PRELID2: variants seen among roughly 807,000 people sequenced by gnomAD.
The protein encoded by PRELID2 is PRELI domain containing 2, also known as PRELI domain-containing protein 2.
Under a neutral mutation model 28.4 loss-of-function variants are expected in PRELID2, and 25 were observed. The ratio of observed to expected loss-of-function variants is 0.88; its 90% confidence interval spans 0.64 to 1.23. The LOEUF is 1.23. Ranked by LOEUF, PRELID2 falls within the 50% of genes most tolerant of loss-of-function variation. The pLI, the probability that PRELID2 is intolerant of heterozygous loss-of-function variation, is 0.00. For missense variants in PRELID2, 201 were observed against 214.4 expected, an observed-to-expected ratio of 0.94 and a Z score of 0.39; for synonymous variants, 76 against 71.6, an observed-to-expected ratio of 1.06 and a Z score of -0.31.
chr5:145,697,423 A>G (rs1327881689), intron 1 of PRELID2, among the ~76,000 whole-genome samples: 4 of 152,046 alleles, frequency 2.6e-5, no homozygotes, highest in Non-Finnish European at 2.9e-5. Flanking sequence ...TCCAAAGCCT[A>G]TGTGTACCAG....
the PRELID2 span, among the ~76,000 whole-genome samples, chr5:145,254,078 T>A: frequency 6.6e-6 from 1 of 152,114 alleles, no homozygotes; most frequent in Non-Finnish European, 1.5e-5. Flanking sequence ...AACTTGTGCA[T>A]GAGGTGAATT....
chr5:145,753,856 C>A (rs1757188848), downstream of PRELID2, among the ~76,000 whole-genome samples: 1 of 152,254 alleles, frequency 6.6e-6, no homozygotes, highest in South Asian at 2.1e-4. Context: ...GTAAGTTAAG[C>A]TTCTTTCAGT....
At chr5:145,737,369 T>A (rs1756525210) in intron 1 of PRELID2, among the ~76,000 whole-genome samples, 2 of 151,926 alleles carry the variant, frequency 1.3e-5, no homozygotes, top group African/African-American at 4.8e-5. Context: ...CACGCAAAGA[T>A]TTCAACTTAC....
At chr5:145,229,218 GC>G in the PRELID2 span, 4 of 804,960 alleles carry the variant, frequency 5.0e-6, no homozygotes, top group Non-Finnish European at 6.7e-6. Flanking sequence ...CTACTCGCTG[GC>G]CCCCCAGATG....
rs552046271 is a variant in PRELID2, at chr5:145,793,415, G to A, written c.474+3027C>T. Among the ~76,000 whole-genome samples, 11 of 152,160 alleles carry A rather than the reference G, an allele frequency of 7.2e-5. No homozygotes were observed. The East Asian group carries it at 1.9e-3, about 27-fold the overall frequency. ...TAAAGTCACCTAAAACACTCTTATGGTGACTTCCACAGAAACCATTTATGC... is the reference window on the plus strand; with the variant it reads ...TAAAGTCACCTAAAACACTCTTATGATGACTTCCACAGAAACCATTTATGC... On this transcript the variant is annotated intron_variant, in intron 5 of 6. Transcript: ENST00000683046.
chr5:145,513,126 C>T (rs746344534), intron 1 of PRELID2, among the ~76,000 whole-genome samples: 6 of 151,738 alleles, frequency 4.0e-5, no homozygotes, highest in Admixed American at 6.6e-5. Context: ...CAAAACTGGA[C>T]GGAGAACGAA....
the PRELID2 span, among the ~76,000 whole-genome samples, chr5:145,291,337 G>GA: frequency 0.048 from 2,008 of 41,470 alleles, 32 homozygotes; most frequent in Non-Finnish European, 0.066. Flanking sequence ...CTCTGTTTCA[G>GA]AAAAAAAAAA....
the PRELID2 span, among the ~76,000 whole-genome samples, chr5:145,453,201 T>C: frequency 8.5e-5 from 13 of 152,200 alleles, no homozygotes; most frequent in Non-Finnish European, 1.6e-4. Flanking sequence ...ATATGACTTA[T>C]ATTTTGCCAC....
chr5:145,717,149 C>T (rs983323874), intron 1 of PRELID2, among the ~76,000 whole-genome samples: 2 of 152,208 alleles, frequency 1.3e-5, no homozygotes, highest in South Asian at 2.1e-4. Flanking sequence ...ATAAATCATG[C>T]ATAGCTACAT....
chr5:145,582,624 A>G (rs1462567945), intron 1 of PRELID2, among the ~76,000 whole-genome samples: 1 of 152,100 alleles, frequency 6.6e-6, no homozygotes, highest in Non-Finnish European at 1.5e-5. Flanking sequence ...ATCACCACTG[A>G]TCCCACAGAA....
chr5:145,804,318 G>A (rs1383116740), intron 4 of PRELID2, among the ~76,000 whole-genome samples: 2 of 151,996 alleles, frequency 1.3e-5, no homozygotes, highest in Non-Finnish European at 2.9e-5. Flanking sequence ...AGACCAGCCT[G>A]GCCAACATGA....
At chr5:145,242,950 A>T in the PRELID2 span, among the ~76,000 whole-genome samples, 1 of 152,092 alleles carries the variant, frequency 6.6e-6, no homozygotes, top group Non-Finnish European at 1.5e-5. Context: ...TTTAAATACC[A>T]TTTCCCATTT....
chr5:145,740,512 C>A (rs1756641769), intron 1 of PRELID2, among the ~76,000 whole-genome samples: 1 of 136,334 alleles, frequency 7.3e-6, no homozygotes, highest in Admixed American at 7.9e-5. Context: ...TGAAAAGAAT[C>A]TAACTAGCAT....
At chr5:145,530,081 C>T (rs1047083803) in intron 1 of PRELID2, among the ~76,000 whole-genome samples, 1 of 152,102 alleles carries the variant, frequency 6.6e-6, no homozygotes, top group Non-Finnish European at 1.5e-5. Flanking sequence ...GAAGAGGGTA[C>T]TATTATCCCT....
At chr5:145,393,218 G>A in the PRELID2 span, among the ~76,000 whole-genome samples, 1 of 152,166 alleles carries the variant, frequency 6.6e-6, no homozygotes, top group Non-Finnish European at 1.5e-5. Context: ...CAGGCACATA[G>A]CTGAGTAAAG....
At chr5:145,616,086 T>C (rs534512579) in intron 1 of PRELID2, among the ~76,000 whole-genome samples, 2 of 152,336 alleles carry the variant, frequency 1.3e-5, no homozygotes, top group East Asian at 1.9e-4. Context: ...TTCTAGCTTG[T>C]AGGGTTTCTG....
At chr5:145,422,159 G>C in the PRELID2 span, among the ~76,000 whole-genome samples, 2 of 146,350 alleles carry the variant, frequency 1.4e-5, no homozygotes, top group African/African-American at 5.1e-5. Flanking sequence ...CCAACTATGT[G>C]GTCAATTTTG....
At chr5:145,790,022 A>C (rs1170523643) in intron 5 of PRELID2, among the ~76,000 whole-genome samples, 1 of 152,222 alleles carries the variant, frequency 6.6e-6, no homozygotes, top group East Asian at 1.9e-4. Flanking sequence ...TGAGGAGAAA[A>C]GGATGCCCTT....
the PRELID2 span, among the ~76,000 whole-genome samples, chr5:145,314,672 T>C: frequency 1.2e-4 from 18 of 152,020 alleles, no homozygotes; most frequent in African/African-American, 4.3e-4. Flanking sequence ...GATTTTGCCA[T>C]AGTAGTTTTC....
Sources: gnomAD v4.1 joint callset for allele counts (sites outside exome capture counted in the v4.1 genomes callset) on GRCh38, gnomAD v4.1.1 for gene constraint, MANE v1.5 for transcripts, NCBI Gene and HGNC (gene_info 2026-07-23, HGNC 2026-07-21) for gene names.